The following DENND5B variants were observed in gnomAD, a reference collection of about 807,000 sequenced individuals.
The protein encoded by DENND5B is DENN domain-containing protein 5B.
In DENND5B, 34 loss-of-function variants were observed where a neutral mutation model predicts 140.6. The ratio of observed to expected loss-of-function variants is 0.24; its 90% CI spans 0.18 to 0.32. The LOEUF (loss-of-function observed/expected upper bound fraction) is 0.32. Ranked by LOEUF, DENND5B falls within the 10% of genes least tolerant of loss-of-function variation. DENND5B has a pLI of 1.00. For synonymous variants in DENND5B, 551 were observed against 562.1 expected (o/e 0.98, Z 0.28); for missense variants, 1,142 against 1,560.2 (o/e 0.73, Z 4.52).
chr12:31,417,060 A>T (rs1424535812), intron 11 of DENND5B, among the ~76,000 whole-genome samples: 4 of 84,472 alleles, frequency 4.7e-5, no homozygotes, highest in African/African-American at 1.4e-4. Flanking sequence ...ACTGTCTCTG[A>T]AAAAAAAAAA....
chr12:31,466,875 C>G (rs1945292441), intron 3 of DENND5B, among the ~76,000 whole-genome samples: 1 of 152,106 alleles, frequency 6.6e-6, no homozygotes, highest in African/African-American at 2.4e-5. Flanking sequence ...AAGCCTCATT[C>G]AGATAAATCA....
chr12:31,434,864 A>G (rs1035091038), intron 7 of DENND5B, among the ~76,000 whole-genome samples: 3 of 152,054 alleles, frequency 2.0e-5, no homozygotes. Flanking sequence ...TCCAAATCCA[A>G]TGGTCATCCA....
chr12:31,582,419 C>T (rs1285421885), intron 1 of DENND5B, among the ~76,000 whole-genome samples: 1 of 152,174 alleles, frequency 6.6e-6, no homozygotes, highest in Non-Finnish European at 1.5e-5. Context: ...AGCATTCATA[C>T]ATTCCTTTAA....
intron 1 of DENND5B, among the ~76,000 whole-genome samples, chr12:31,549,206 A>G (rs1948958336): frequency 6.6e-6 from 1 of 152,090 alleles, no homozygotes; most frequent in Non-Finnish European, 1.5e-5. Context: ...GGCCAAGTTC[A>G]TTTTTAAATT....
intron 1 of DENND5B, among the ~76,000 whole-genome samples, chr12:31,525,905 A>C (rs1039164963): frequency 1.3e-5 from 2 of 152,170 alleles, no homozygotes; most frequent in African/African-American, 4.8e-5. Flanking sequence ...AGGTGGGAGA[A>C]TTGCTTAAGC....
chr12:31,421,233 G>C (rs1163026478), intron 11 of DENND5B, among the ~76,000 whole-genome samples: 1 of 151,516 alleles, frequency 6.6e-6, no homozygotes, highest in African/African-American at 2.4e-5. Flanking sequence ...TTAGTAGAGA[G>C]TGGGTTTCAT....
chr12:31,562,550 G>T (rs1949511589), intron 1 of DENND5B, among the ~76,000 whole-genome samples: 1 of 152,028 alleles, frequency 6.6e-6, no homozygotes. Context: ...GGAGGTGGAG[G>T]TTGCGGTGAG....
At chr12:31,554,573 C>T (rs1309542456) in intron 1 of DENND5B, among the ~76,000 whole-genome samples, 3 of 152,108 alleles carry the variant, frequency 2.0e-5, no homozygotes, top group East Asian at 1.9e-4. Context: ...GTATCTTTGT[C>T]GCGTCCTCTG....
chr12:31,402,187 G>C (rs1941835954), intron 15 of DENND5B, among the ~76,000 whole-genome samples: 1 of 152,068 alleles, frequency 6.6e-6, no homozygotes, highest in Non-Finnish European at 1.5e-5. Context: ...CCACCGCGGG[G>C]AAAACATTTA....
At position 31,413,571 on chromosome 12, in the gene DENND5B, A is replaced by G. The variant is rs757870880; in HGVS notation, c.2553-7T>C. 3 of 1,606,922 alleles carry G rather than the reference A, an allele frequency of 1.9e-6. No individual in the cohort carries two copies. In the African/African-American group the frequency reaches 4.0e-5, roughly 21 times the overall value. On this transcript the variant is annotated splice_region_variant and splice_polypyrimidine_tract_variant and intron_variant, in intron 12 of 20. Coordinates refer to ENST00000389082, the MANE Select transcript of DENND5B (RefSeq NM_144973.4). Reference sequence around the variant, plus strand: ...ACTCATGTTTTGAATATGCCTAAAGAATAGTGGCAACAGCAAAGATGTAGA... The same window carrying G: ...ACTCATGTTTTGAATATGCCTAAAGGATAGTGGCAACAGCAAAGATGTAGA...
chr12:31,541,557 GC>G (rs1014101877), intron 1 of DENND5B, among the ~76,000 whole-genome samples: 1 of 152,172 alleles, frequency 6.6e-6, no homozygotes, highest in African/African-American at 2.4e-5. Flanking sequence ...ATAAATGCTG[GC>G]AAGGATGTGG....
intron 3 of DENND5B, among the ~76,000 whole-genome samples, chr12:31,468,643 C>CA (rs200869960): frequency 2.6e-4 from 38 of 144,806 alleles, no homozygotes; most frequent in East Asian, 1.1e-3. Flanking sequence ...CCTGTCATTT[C>CA]AAAAAATAAA....
At chr12:31,458,836 T>C (rs909452251) in intron 4 of DENND5B, among the ~76,000 whole-genome samples, 2 of 152,228 alleles carry the variant, frequency 1.3e-5, no homozygotes, top group Admixed American at 1.3e-4. Flanking sequence ...AATCATCTTA[T>C]GTTTTGTAAA....
chr12:31,523,410 T>A (rs143572399), intron 1 of DENND5B, among the ~76,000 whole-genome samples: 165 of 152,210 alleles, frequency 1.1e-3, no homozygotes, highest in African/African-American at 3.5e-3. Flanking sequence ...GAGACAAGAC[T>A]GAGATTGTTT....
Position 31,415,342 on chromosome 12 carries a change from T to G in DENND5B, c.2552+25A>C, listed in dbSNP as rs201824957. 2.8e-5 allele frequency: 43 copies of G among 1,541,262 alleles called. No homozygotes were observed. The East Asian group carries it at 9.6e-4, about 34-fold the overall frequency. On this transcript the variant is annotated intron_variant, in intron 12 of 20. Transcript: ENST00000389082. ...ATACTTCAAAGTTATCACCACATGCTAACACATGTATTAATAACAAATACC... is the reference window on the plus strand; with the variant it reads ...ATACTTCAAAGTTATCACCACATGCGAACACATGTATTAATAACAAATACC...
At chr12:31,423,540 T>C (rs185585900) in intron 11 of DENND5B, 57 bp downstream of exon 11, 28 of 1,555,416 alleles carry the variant, frequency 1.8e-5, no homozygotes, top group South Asian at 2.3e-5. Context: ...CAAGGCCAAA[T>C]AGTATTGAGT....
In DENND5B at chr12:31,387,429, G is replaced by A; in HGVS notation, c.*174C>T. ...ATACTCTATTTTATACTAAATTCCA[G>A]GTTCAAATGAACTACAATACAACAT... On this transcript the variant is annotated 3_prime_UTR_variant, in exon 21 of 21. Coordinates refer to ENST00000389082, the MANE Select transcript of DENND5B (RefSeq NM_144973.4). The A allele has an allele frequency of 1.8e-6, 1 of 566,394 alleles. No homozygotes were observed. The highest frequency in any genetic ancestry group is 3.0e-6 in the Non-Finnish European group (1 of 328,586). 35.1% of individuals were successfully genotyped at this position (566,394 alleles called of 1,614,324 possible).
At chr12:31,485,232 G>A (rs1946253857) in intron 2 of DENND5B, among the ~76,000 whole-genome samples, 1 of 152,214 alleles carries the variant, frequency 6.6e-6, no homozygotes, top group Non-Finnish European at 1.5e-5. Context: ...TACTTCAAAA[G>A]TTTAACGAAT....
chr12:31,504,086 A>T (rs551038226), intron 1 of DENND5B, among the ~76,000 whole-genome samples: 11 of 152,336 alleles, frequency 7.2e-5, no homozygotes, highest in African/African-American at 2.6e-4. Context: ...AATAATTCAG[A>T]GAATTTCCAG....
Sources: allele counts gnomAD v4.1 joint callset (sites outside exome capture counted in the v4.1 genomes callset), GRCh38; gene constraint gnomAD v4.1.1; transcripts MANE v1.5; gene names NCBI Gene and HGNC (gene_info 2026-07-23, HGNC 2026-07-21).